RGS22: variants seen among roughly 807,000 people sequenced by gnomAD.
The protein encoded by RGS22 is regulator of G-protein signaling 22.
Under a neutral mutation model 172.9 loss-of-function variants are expected in RGS22, and 148 were observed. That is an observed-to-expected ratio of 0.86 (90% CI 0.75 to 0.98). The LOEUF is 0.98. Among genes scored for constraint, RGS22 ranks in the 50% least tolerant of loss-of-function variants. The pLI is 0.00. For missense variants in RGS22, 1,347 were observed against 1,440.8 expected (o/e 0.93, Z 1.05); for synonymous variants, 458 against 480.2 (o/e 0.95, Z 0.60).
intron 4 of RGS22, among the ~76,000 whole-genome samples, chr8:100,073,615 G>A (rs1379417452): frequency 6.6e-6 from 1 of 152,114 alleles, no homozygotes; most frequent in Non-Finnish European, 1.5e-5. Flanking sequence ...ACTCTGCATA[G>A]GCTACACACT....
intron 23 of RGS22, among the ~76,000 whole-genome samples, chr8:99,966,911 C>T (rs1810796879): frequency 6.6e-6 from 1 of 152,138 alleles, no homozygotes; most frequent in South Asian, 2.1e-4. Context: ...ATGAATTTGA[C>T]TATTATAGGT....
At position 100,105,995 on chromosome 8, in the gene RGS22, G is replaced by A; in HGVS notation, c.-74C>T. ...TAGCGCGCGGGTCCAGCGCGGGTCA[G>A]GGCCTGAGCGACGCGGCGACGGCGC... On this transcript the variant is annotated 5_prime_UTR_variant, in exon 1 of 28. Transcript: ENST00000360863. 1.6e-6 allele frequency: 2 copies of A among 1,222,326 alleles called. No homozygotes were observed. Among genetic ancestry groups the A allele is most frequent in the Admixed American group, 4.4e-5 (1 of 22,814 alleles). The allele number at this position is 1,222,326 out of a possible 1,614,324, so 75.7% of individuals were successfully genotyped here. A position where few individuals can be genotyped will look rare whatever the true frequency, so the allele number is the denominator to read the frequency against.
intron 4 of RGS22, among the ~76,000 whole-genome samples, chr8:100,079,042 T>G (rs1399876648): frequency 6.6e-6 from 1 of 152,240 alleles, no homozygotes; most frequent in Admixed American, 6.5e-5. Flanking sequence ...ATCATCCAGA[T>G]CTTTTTGAGA....
At chr8:99,985,592 T>G (rs963709668) in intron 21 of RGS22, among the ~76,000 whole-genome samples, 1 of 152,236 alleles carries the variant, frequency 6.6e-6, no homozygotes, top group African/African-American at 2.4e-5. Flanking sequence ...TGTATTCACC[T>G]TTTTACGCCT....
chr8:100,093,464 C>T lies in RGS22; in HGVS notation c.100G>A (p.Glu34Lys), dbSNP rs1812739180. 1 of 1,589,166 alleles carries T rather than the reference C, an allele frequency of 6.3e-7. No individual in the cohort carries two copies. Among genetic ancestry groups the T allele is most frequent in the Non-Finnish European group, 8.6e-7 (1 of 1,163,544 alleles). Reference protein sequence around the residue: ...TDDFLVDYFNEFLSLPTFSEA... With the variant: ...TDDFLVDYFNKFLSLPTFSEA... ...AAACTCACTGGAAGGCTTAGGAATTCATTAAAGTAGTCTACAAGGAAATCA... is the reference window on the plus strand; with the variant it reads ...AAACTCACTGGAAGGCTTAGGAATTTATTAAAGTAGTCTACAAGGAAATCA... The change falls in exon 3 of 28, where the codon GAA becomes AAA. Residue 34 changes from glutamate (E) to lysine (K), a missense_variant. By Grantham distance (56) the Glu-to-Lys change is moderately conservative. Coordinates refer to ENST00000360863, the MANE Select transcript of RGS22 (RefSeq NM_015668.5).
intron 15 of RGS22, 112 bp downstream of exon 15, chr8:100,008,263 C>G: frequency 2.1e-6 from 2 of 942,916 alleles, no homozygotes; most frequent in East Asian, 2.7e-5. Flanking sequence ...GTCTTGAACT[C>G]CTGACCTCAG....
intron 6 of RGS22, among the ~76,000 whole-genome samples, chr8:100,067,135 G>A (rs1043003660): frequency 2.0e-5 from 3 of 152,136 alleles, no homozygotes; most frequent in African/African-American, 7.2e-5. Context: ...CAGTCAGCTG[G>A]TTGGTCAGCA....
chr8:100,080,629 A>T (rs1467936314), intron 3 of RGS22: 2 of 319,952 alleles, frequency 6.3e-6, no homozygotes, highest in East Asian at 1.3e-4. Flanking sequence ...GTCTGTGATT[A>T]TTTGAAACTG....
At chr8:99,969,713 A>C (rs929339704) in intron 23 of RGS22, among the ~76,000 whole-genome samples, 1 of 152,226 alleles carries the variant, frequency 6.6e-6, no homozygotes, top group South Asian at 2.1e-4. Flanking sequence ...ATGTGCACCC[A>C]ATACAGGAGA....
intron 2 of RGS22, among the ~76,000 whole-genome samples, chr8:100,101,689 GT>G (rs1449613212): frequency 5.3e-5 from 8 of 151,362 alleles, no homozygotes; most frequent in Admixed American, 3.3e-4. Context: ...TATATACAAG[GT>G]ATGTGTCCCT....
chr8:100,086,029 A>C (rs534632281), intron 3 of RGS22, among the ~76,000 whole-genome samples: 145 of 152,306 alleles, frequency 9.5e-4, no homozygotes, highest in Admixed American at 1.8e-3. Context: ...ATGTATAGGG[A>C]AAGTGGGCTG....
chr8:100,072,070 C>G, intron 5 of RGS22, 75 bp downstream of exon 5: 2 of 843,570 alleles, frequency 2.4e-6, no homozygotes, highest in Admixed American at 2.4e-5. Context: ...TGGTGGCATA[C>G]AGCTGTAGTC....
chr8:100,068,380 T>C (rs1438056767), intron 6 of RGS22, among the ~76,000 whole-genome samples: 9 of 152,126 alleles, frequency 5.9e-5, no homozygotes. Flanking sequence ...TGAGGCCCTG[T>C]CTCAACAAAA....
Position 99,977,874 on chromosome 8 carries a change from A to G in RGS22, c.3519+43T>C, listed in dbSNP as rs199782425. Reference sequence around the variant, plus strand: ...TTCTATAATTCACACATATCACATAACTTTTAAAAGTCTGATAAAACCCAA... The same window carrying G: ...TTCTATAATTCACACATATCACATAGCTTTTAAAAGTCTGATAAAACCCAA... On this transcript the variant is annotated intron_variant, in intron 23 of 27. Transcript: ENST00000360863. 5.4e-6 allele frequency: 8 copies of G among 1,492,072 alleles called. No individual in the cohort carries two copies. The East Asian group carries it at 2.0e-4, about 37-fold the overall frequency. 92.4% of individuals were successfully genotyped at this position (1,492,072 alleles called of 1,614,324 possible). A position where few individuals can be genotyped will look rare whatever the true frequency, so the allele number is the denominator to read the frequency against.
At chr8:99,988,906 T>C (rs1813394001) in intron 20 of RGS22, among the ~76,000 whole-genome samples, 1 of 152,110 alleles carries the variant, frequency 6.6e-6, no homozygotes, top group Admixed American at 6.6e-5. Context: ...GCCCTACAAA[T>C]AGGAACAACT....
intron 14 of RGS22, among the ~76,000 whole-genome samples, chr8:100,016,978 CTTTTTTTTT>C (rs71274949): frequency 0.014 from 510 of 36,018 alleles, 6 homozygotes; most frequent in African/African-American, 0.038. Flanking sequence ...CCTTACCAGT[CTTTTTTTTT>C]TTTTTTTTTT....
chr8:100,024,776 C>T (rs1008272776), intron 14 of RGS22, among the ~76,000 whole-genome samples: 1 of 152,028 alleles, frequency 6.6e-6, no homozygotes, highest in South Asian at 2.1e-4. Context: ...AAATGGATGG[C>T]GTTAGGAAAG....
At chr8:100,010,264 C>T (rs200210802) in intron 14 of RGS22, among the ~76,000 whole-genome samples, 1 of 151,876 alleles carries the variant, frequency 6.6e-6, no homozygotes, top group African/African-American at 2.4e-5. Flanking sequence ...GAGGCGGGCA[C>T]ATCACGAGGT....
intron 14 of RGS22, among the ~76,000 whole-genome samples, chr8:100,033,279 A>T (rs1048443842): frequency 6.6e-6 from 1 of 152,208 alleles, no homozygotes; most frequent in East Asian, 1.9e-4. Context: ...AGCAAGACTA[A>T]TAAAGAAGAA....
Sources: gnomAD v4.1 joint callset for allele counts (sites outside exome capture counted in the v4.1 genomes callset) on GRCh38, gnomAD v4.1.1 for gene constraint, MANE v1.5 for transcripts, NCBI Gene and HGNC (gene_info 2026-07-23, HGNC 2026-07-21) for gene names.